EFCAB9: variants seen among roughly 807,000 people sequenced by gnomAD.
EFCAB9 encodes EF-hand calcium binding domain 9, also known as EF-hand calcium-binding domain-containing protein 9.
In EFCAB9, 16 loss-of-function variants were observed where a neutral mutation model predicts 15.6. The ratio of observed to expected loss-of-function variants is 1.03; its 90% CI spans 0.69 to 1.56. The LOEUF is 1.56. Among genes scored for constraint, EFCAB9 ranks in the 40% most tolerant of loss-of-function variants. The pLI, the probability that EFCAB9 is intolerant of heterozygous loss-of-function variation, is 0.00. For synonymous variants in EFCAB9, 76 were observed against 85.4 expected (o/e 0.89, Z 0.61); for missense variants, 208 against 235.4 (o/e 0.88, Z 0.76).
At chr5:172,195,914 C>T (rs1771153405) in intron 1 of EFCAB9, among the ~76,000 whole-genome samples, 1 of 152,136 alleles carries the variant, frequency 6.6e-6, no homozygotes. Context: ...AGTGATTCTC[C>T]TGCCTCAGCC....
intron 3 of EFCAB9, among the ~76,000 whole-genome samples, chr5:172,202,665 G>A (rs952052986): frequency 6.6e-6 from 1 of 151,664 alleles, no homozygotes; most frequent in African/African-American, 2.4e-5. Context: ...CTGAGATCAC[G>A]CCACTGCCCT....
intron 2 of EFCAB9, 63 bp downstream of exon 2, chr5:172,199,594 C>A: frequency 6.6e-7 from 1 of 1,507,258 alleles, no homozygotes; most frequent in South Asian, 1.2e-5. Flanking sequence ...AGGAATGCAT[C>A]AGAAGTTTTC....
chr5:172,200,485 G>A, intron 2 of EFCAB9, 81 bp from the exon 3 acceptor site: 1 of 1,373,838 alleles, frequency 7.3e-7, no homozygotes. Flanking sequence ...AGGGGCTGGT[G>A]AAGATATGTC....
At chr5:172,199,046 T>G (rs2113859585) in intron 1 of EFCAB9, among the ~76,000 whole-genome samples, 1 of 152,380 alleles carries the variant, frequency 6.6e-6, no homozygotes, top group Admixed American at 6.5e-5. Flanking sequence ...TAAGGAGCAC[T>G]TTGTGCCCAT....
At chr5:172,197,815 C>T (rs560841037) in intron 1 of EFCAB9, among the ~76,000 whole-genome samples, 17 of 152,228 alleles carry the variant, frequency 1.1e-4, no homozygotes, top group African/African-American at 3.6e-4. Context: ...AGCAGGTTGC[C>T]GCTGCTGCCT....
At chr5:172,198,890 A>G (rs1453991292) in intron 1 of EFCAB9, among the ~76,000 whole-genome samples, 1 of 152,200 alleles carries the variant, frequency 6.6e-6, no homozygotes, top group Non-Finnish European at 1.5e-5. Flanking sequence ...CTGGGATTAC[A>G]GGCATGAGCT....
rs1293838530 is a variant in EFCAB9, at chr5:172,200,549, T to G, written c.286-17T>G. 3 of 1,530,498 alleles carry G rather than the reference T, an allele frequency of 2.0e-6. No individual in the cohort carries two copies. The South Asian group carries it at 3.6e-5, about 18-fold the overall frequency. 94.8% of individuals were successfully genotyped at this position (1,530,498 alleles called of 1,614,324 possible). A position where few individuals can be genotyped will look rare whatever the true frequency, so the allele number is the denominator to read the frequency against. On this transcript the variant is annotated splice_polypyrimidine_tract_variant and intron_variant, in intron 2 of 3. Coordinates refer to ENST00000398186, the MANE Select transcript of EFCAB9 (RefSeq NM_001171183.2). ...CGACAACACTGTTGCTCATCTCACC[T>G]ATTTCTCTCGCAATAGAACCATTTG... is the stretch of plus-strand genomic sequence containing the variant.
At position 172,203,384 on chromosome 5, in the gene EFCAB9, A is replaced by G; in HGVS notation, c.*39A>G. On this transcript the variant is annotated 3_prime_UTR_variant, in exon 4 of 4. Coordinates refer to ENST00000398186, the MANE Select transcript of EFCAB9 (RefSeq NM_001171183.2). ...GAGTCTTGGAAAAAAATGGGATCTG[A>G]AAGTACAGAACATGAACATTGATGA... 1 of 1,518,250 alleles carries G rather than the reference A, an allele frequency of 6.6e-7. No individual in the cohort carries two copies. Among genetic ancestry groups the G allele is most frequent in the Non-Finnish European group, 8.8e-7 (1 of 1,140,824 alleles). The allele number at this position is 1,518,250 out of a possible 1,614,324, so 94.0% of individuals were successfully genotyped here.
intron 3 of EFCAB9, among the ~76,000 whole-genome samples, chr5:172,202,830 T>C (rs1465648863): frequency 1.3e-5 from 2 of 151,884 alleles, no homozygotes; most frequent in Non-Finnish European, 2.9e-5. Context: ...TGAAACCCCA[T>C]CTCTACTAAA....
chr5:172,199,799 T>C (rs1004019123), intron 2 of EFCAB9, among the ~76,000 whole-genome samples: 1 of 152,106 alleles, frequency 6.6e-6, no homozygotes, highest in Non-Finnish European at 1.5e-5. Context: ...CCTCACTTGC[T>C]CTAGCTGGTG....
chr5:172,196,289 A>T (rs950525364), intron 1 of EFCAB9, among the ~76,000 whole-genome samples: 1 of 152,112 alleles, frequency 6.6e-6, no homozygotes, highest in Admixed American at 6.6e-5. Context: ...GAAGCCCCCA[A>T]ATCATGACAT....
intron 3 of EFCAB9, 103 bp downstream of exon 3, chr5:172,200,845 G>A: frequency 6.9e-6 from 8 of 1,165,856 alleles, no homozygotes; most frequent in Non-Finnish European, 5.8e-6. Context: ...GAGGAGGGAG[G>A]GAAAAACCTA....
At chr5:172,201,253 T>C (rs1266242207) in intron 3 of EFCAB9, among the ~76,000 whole-genome samples, 2 of 152,200 alleles carry the variant, frequency 1.3e-5, no homozygotes, top group Admixed American at 6.5e-5. Context: ...CACATGCCTG[T>C]AATCCCACAT....
chr5:172,197,593 A>C (rs142719322), intron 1 of EFCAB9, among the ~76,000 whole-genome samples: 1 of 152,184 alleles, frequency 6.6e-6, no homozygotes, highest in Admixed American at 6.5e-5. Context: ...ATATAGACTA[A>C]TTGATATCTG....
Position 172,203,358 on chromosome 5 carries a change from A to G in EFCAB9, c.*13A>G. The G allele has an allele frequency of 6.6e-7, 1 of 1,524,372 alleles. No homozygotes were observed. The highest frequency in any genetic ancestry group is 8.7e-7 in the Non-Finnish European group (1 of 1,143,630). The allele number at this position is 1,524,372 out of a possible 1,614,324, so 94.4% of individuals were successfully genotyped here. A position where few individuals can be genotyped will look rare whatever the true frequency, so the allele number is the denominator to read the frequency against. Reference sequence around the variant, plus strand: ...TCACATCAAGTAGATACAAGCTGAAAGAGTCTTGGAAAAAAATGGGATCTG... The same window carrying G: ...TCACATCAAGTAGATACAAGCTGAAGGAGTCTTGGAAAAAAATGGGATCTG... On this transcript the variant is annotated 3_prime_UTR_variant, in exon 4 of 4. Coordinates refer to ENST00000398186, the MANE Select transcript of EFCAB9 (RefSeq NM_001171183.2).
chr5:172,197,897 T>C (rs112724727), intron 1 of EFCAB9, among the ~76,000 whole-genome samples: 14,559 of 152,106 alleles, frequency 0.096, 696 homozygotes, highest in Admixed American at 0.13. Flanking sequence ...AACAGAGTGC[T>C]GATTGCTCCA....
intron 1 of EFCAB9, among the ~76,000 whole-genome samples, chr5:172,198,532 G>T (rs1449968853): frequency 6.6e-6 from 1 of 152,114 alleles, no homozygotes; most frequent in East Asian, 1.9e-4. Flanking sequence ...GGTAAATAAG[G>T]TTTGGTCCCT....
intron 1 of EFCAB9, 26 bp downstream of exon 1, chr5:172,194,334 C>T (rs1771120557): frequency 6.5e-7 from 1 of 1,536,318 alleles, no homozygotes; most frequent in Non-Finnish European, 8.7e-7. Flanking sequence ...CATGTCTCCT[C>T]TGGGTCCTTA....
At chr5:172,198,475 C>G (rs1026231857) in intron 1 of EFCAB9, among the ~76,000 whole-genome samples, 1 of 152,140 alleles carries the variant, frequency 6.6e-6, no homozygotes, top group African/African-American at 2.4e-5. Context: ...TGCCATTGCA[C>G]TCCAGCCAAA....
Sources: allele counts gnomAD v4.1 joint callset (sites outside exome capture counted in the v4.1 genomes callset), GRCh38; gene constraint gnomAD v4.1.1; transcripts MANE v1.5; gene names NCBI Gene and HGNC (gene_info 2026-07-23, HGNC 2026-07-21).